SCOC: variants seen among roughly 807,000 people sequenced by gnomAD.
SCOC encodes the protein short coiled coil protein.
A neutral mutation model predicts 9.9 loss-of-function variants in SCOC; 7 were observed. The ratio of observed to expected loss-of-function variants is 0.71; its 90% confidence interval spans 0.40 to 1.33. The LOEUF is 1.33. Ranked by LOEUF, SCOC falls within the 40% of genes most tolerant of loss-of-function variation. The pLI is 0.01. For synonymous variants in SCOC, 19 were observed against 28.2 expected, an observed-to-expected ratio of 0.67 and a Z score of 1.03; for missense variants, 66 against 89.7, an observed-to-expected ratio of 0.74 and a Z score of 1.07.
intron 1 of SCOC, among the ~76,000 whole-genome samples, chr4:140,261,508 G>C (rs930778684): frequency 5.9e-5 from 9 of 152,250 alleles, no homozygotes; most frequent in Admixed American, 2.0e-4. Context: ...GGGTCCCTTT[G>C]ATTTCCCTGC....
In SCOC at chr4:140,384,233, A is replaced by AGG. The variant is rs1358884094; in HGVS notation, c.*3129_*3130insGG. The AGG allele has an allele frequency of 6.6e-6, 1 of 152,222 alleles. No individual in the cohort carries two copies. Among genetic ancestry groups the AGG allele is most frequent in the Non-Finnish European group, 1.5e-5 (1 of 68,042 alleles). 9.4% of individuals were successfully genotyped at this position (152,222 alleles called of 1,614,324 possible). On this transcript the variant is annotated 3_prime_UTR_variant, in exon 4 of 4. Transcript: ENST00000608372. Reference sequence around the variant, plus strand: ...CTATCAGATTAGTAGGTGTCAAAATATATCCCCACTGCTTGTCATGTTAAT... The same window carrying AGG: ...CTATCAGATTAGTAGGTGTCAAAATAGGTATCCCCACTGCTTGTCATGTTAAT...
intron 1 of SCOC, among the ~76,000 whole-genome samples, chr4:140,286,378 A>G (rs539653887): frequency 2.6e-5 from 4 of 152,024 alleles, no homozygotes; most frequent in Admixed American, 1.3e-4. Context: ...AAAAACACAA[A>G]AAACAAAAAA....
intron 1 of SCOC, among the ~76,000 whole-genome samples, chr4:140,295,936 AAAAAAAAAAAAG>A (rs1731619606): frequency 1.3e-5 from 2 of 150,464 alleles, no homozygotes; most frequent in Admixed American, 1.3e-4. Context: ...GTCTCAAAAA[AAAAAAAAAAAAG>A]AAAGAAAGAA....
chr4:140,339,858 G>A (rs1349058432), upstream of SCOC, among the ~76,000 whole-genome samples: 2 of 152,208 alleles, frequency 1.3e-5, no homozygotes, highest in South Asian at 2.1e-4. Flanking sequence ...TGGTGGGACT[G>A]CAAACTAGTT....
chr4:140,366,949 T>C, intron 2 of SCOC: 1 of 510,340 alleles, frequency 2.0e-6, no homozygotes, highest in Non-Finnish European at 3.6e-6. Flanking sequence ...CTCACGCATG[T>C]AATCCCAGCA....
chr4:140,277,476 A>T (rs1163481648), intron 1 of SCOC, among the ~76,000 whole-genome samples: 2 of 152,142 alleles, frequency 1.3e-5, no homozygotes, highest in South Asian at 4.1e-4. Context: ...ATTGTTATGG[A>T]GGGAATATTT....
At chr4:140,280,385 T>G (rs974654299) in intron 1 of SCOC, among the ~76,000 whole-genome samples, 2 of 152,206 alleles carry the variant, frequency 1.3e-5, no homozygotes, top group African/African-American at 4.8e-5. Context: ...CACCTTGGCC[T>G]CCCAAAGTGC....
intron 1 of SCOC, among the ~76,000 whole-genome samples, chr4:140,277,047 T>C (rs1257196772): frequency 1.3e-5 from 2 of 152,222 alleles, no homozygotes; most frequent in African/African-American, 4.8e-5. Context: ...TTCTTGTGAA[T>C]TAGTCTGAAT....
At chr4:140,290,179 G>A (rs995363549) in intron 1 of SCOC, among the ~76,000 whole-genome samples, 34 of 152,236 alleles carry the variant, frequency 2.2e-4, no homozygotes, top group Admixed American at 1.5e-3. Context: ...TCTGGCTGCT[G>A]CAATTGTGCT....
chr4:140,275,948 C>T (rs1202859692), intron 1 of SCOC, among the ~76,000 whole-genome samples: 5 of 151,636 alleles, frequency 3.3e-5, no homozygotes, highest in Non-Finnish European at 5.9e-5. Flanking sequence ...CTCAGCCTCC[C>T]GAGTGCTTGG....
At chr4:140,351,910 C>T (rs564207449) in intron 2 of SCOC, among the ~76,000 whole-genome samples, 3 of 152,150 alleles carry the variant, frequency 2.0e-5, no homozygotes, top group Non-Finnish European at 4.4e-5. Flanking sequence ...AGGGAGCAGG[C>T]CTTTCTTTTC....
chr4:140,344,594 G>C (rs1380707642), intron 2 of SCOC, among the ~76,000 whole-genome samples: 1 of 152,086 alleles, frequency 6.6e-6, no homozygotes, highest in Admixed American at 6.5e-5. Context: ...CTTCCCTCCT[G>C]GCACTGCATA....
intron 1 of SCOC, among the ~76,000 whole-genome samples, chr4:140,263,988 C>G (rs996570353): frequency 6.6e-6 from 1 of 152,064 alleles, no homozygotes; most frequent in Admixed American, 6.6e-5. Context: ...GCAAATAAAG[C>G]AAGGGAGTGG....
At chr4:140,341,254 C>A (rs1396388468), upstream of SCOC, among the ~76,000 whole-genome samples, 2 of 152,068 alleles carry the variant, frequency 1.3e-5, no homozygotes, top group African/African-American at 2.4e-5. Flanking sequence ...TGCATTAAAG[C>A]AAATACACCC....
intron 2 of SCOC, among the ~76,000 whole-genome samples, chr4:140,355,209 TTTTATATATATATATATATATATATATA>T (rs1344418870): frequency 2.0e-4 from 2 of 10,192 alleles, no homozygotes; most frequent in African/African-American, 8.3e-4. Flanking sequence ...TACATTATAT[TTTTATATATATATATATATATATATATA>T]TATATATATA....
chr4:140,341,603 T>C (rs1178062276), upstream of SCOC, among the ~76,000 whole-genome samples: 1 of 152,212 alleles, frequency 6.6e-6, no homozygotes, highest in Non-Finnish European at 1.5e-5. Context: ...GAGGAATTTT[T>C]ATGCTTCCTA....
At chr4:140,379,245 C>T in intron 2 of SCOC, 53 bp downstream of exon 2, 1 of 1,202,852 alleles carries the variant, frequency 8.3e-7, no homozygotes, top group East Asian at 2.3e-5. Flanking sequence ...GATGCTTTTG[C>T]TTTATTAAGC....
At chr4:140,310,080 G>C (rs1732106004) in intron 1 of SCOC, among the ~76,000 whole-genome samples, 1 of 152,152 alleles carries the variant, frequency 6.6e-6, no homozygotes, top group South Asian at 2.1e-4. Context: ...CATAGGAACT[G>C]AGCCACTGAA....
chr4:140,302,683 G>A (rs941582259), intron 1 of SCOC, among the ~76,000 whole-genome samples: 5 of 152,170 alleles, frequency 3.3e-5, no homozygotes, highest in South Asian at 2.1e-4. Context: ...GCTAAGATTA[G>A]AAGAGGAAAT....
Sources: gnomAD v4.1 joint callset for allele counts (sites outside exome capture counted in the v4.1 genomes callset) on GRCh38, gnomAD v4.1.1 for gene constraint, MANE v1.5 for transcripts, NCBI Gene and HGNC (gene_info 2026-07-23, HGNC 2026-07-21) for gene names.